Variants in GSDMC observed in about 807,000 individuals in gnomAD.
GSDMC encodes the protein gasdermin-C.
GSDMC carries 59 observed loss-of-function variants against 58.0 expected under a neutral mutation model. The observed-to-expected ratio is 1.02, with a 90% confidence interval of 0.82 to 1.26. The LOEUF (loss-of-function observed/expected upper bound fraction) is 1.26. Ranked by LOEUF, GSDMC falls within the 50% of genes most tolerant of loss-of-function variation. The pLI is 0.00. For synonymous variants in GSDMC, 241 were observed against 220.2 expected, an observed-to-expected ratio of 1.09 and a Z score of -0.83; for missense variants, 659 against 598.5, an observed-to-expected ratio of 1.10 and a Z score of -1.06.
the GSDMC span, chr8:129,705,484 G>A: frequency 6.6e-6 from 1 of 152,554 alleles, no homozygotes; most frequent in African/African-American, 2.4e-5. Context: ...AGCATGGCTG[G>A]GGAGGCCTCA....
At chr8:129,760,625 G>A (rs750808145) in intron 5 of GSDMC, 36 bp from the exon 6 acceptor site, 1 of 1,431,386 alleles carries the variant, frequency 7.0e-7, no homozygotes, top group Non-Finnish European at 9.8e-7. Context: ...TAGGAGAGTT[G>A]AGGTTATTCC....
chr8:129,717,059 G>T, the GSDMC span, among the ~76,000 whole-genome samples: 4 of 152,124 alleles, frequency 2.6e-5, no homozygotes, highest in African/African-American at 7.2e-5. Context: ...GTTCTTCAGG[G>T]ATATTGGCCT....
rs1444716047 is a variant in GSDMC at position 129,750,088 on chromosome 8, C to T, written c.1115G>A (p.Gly372Asp). ...LELDSSGHLD[G>D]PGGAILKKLQ... is the part of the protein sequence containing the mutation. Reference sequence around the variant, plus strand: ...TTTCTTTAGGATGGCACCACCAGGGCCATCCAAATGACCTGAGCTGTCCAA... The same window carrying T: ...TTTCTTTAGGATGGCACCACCAGGGTCATCCAAATGACCTGAGCTGTCCAA... Residue 372 changes from glycine to aspartate, a missense_variant, in exon 12 of 14, where the codon GGC becomes GAC. Transcript: ENST00000276708. 2 of 1,598,484 alleles carry T rather than the reference C, an allele frequency of 1.3e-6. No homozygotes were observed. The highest frequency in any genetic ancestry group is 1.7e-6 in the Non-Finnish European group (2 of 1,174,158).
At chr8:129,745,067 T>A (rs77724525), downstream of GSDMC, among the ~76,000 whole-genome samples, 285 of 152,298 alleles carry the variant, frequency 1.9e-3, 6 homozygotes, top group East Asian at 0.051. Flanking sequence ...TCCCACTCCC[T>A]CTTAAATCAA....
intron 6 of GSDMC, among the ~76,000 whole-genome samples, chr8:129,759,935 A>G (rs1406511350): frequency 6.6e-6 from 1 of 152,208 alleles, no homozygotes; most frequent in Non-Finnish European, 1.5e-5. Flanking sequence ...ACTGTTCACA[A>G]TAGTCAAGAT....
At chr8:129,744,885 G>A (rs1193943811), downstream of GSDMC, among the ~76,000 whole-genome samples, 1 of 152,174 alleles carries the variant, frequency 6.6e-6, no homozygotes, top group South Asian at 2.1e-4. Flanking sequence ...GGTAGCAGTG[G>A]AAAATGGATA....
chr8:129,724,002 G>A, the GSDMC span, among the ~76,000 whole-genome samples: 2 of 152,208 alleles, frequency 1.3e-5, no homozygotes, highest in Non-Finnish European at 2.9e-5. Context: ...ACAAAAGCTT[G>A]CTTTTGCATC....
intron 5 of GSDMC, among the ~76,000 whole-genome samples, chr8:129,761,626 CTA>C (rs1250763048): frequency 3.9e-5 from 6 of 152,172 alleles, no homozygotes; most frequent in African/African-American, 1.4e-4. Flanking sequence ...TCTTTTCCTT[CTA>C]TGTTAAAATC....
At chr8:129,758,093 T>A (rs916684095) in intron 6 of GSDMC, among the ~76,000 whole-genome samples, 5 of 152,198 alleles carry the variant, frequency 3.3e-5, no homozygotes, top group African/African-American at 1.2e-4. Flanking sequence ...ATACATTATA[T>A]CAACAGAATG....
chr8:129,784,249 C>T (rs2034494584), intron 1 of GSDMC, among the ~76,000 whole-genome samples: 1 of 152,000 alleles, frequency 6.6e-6, no homozygotes, highest in South Asian at 2.1e-4. Context: ...AATTGGATCT[C>T]ATCAAGTTAC....
the GSDMC span, among the ~76,000 whole-genome samples, chr8:129,738,484 G>A: frequency 6.6e-6 from 1 of 152,202 alleles, no homozygotes; most frequent in Non-Finnish European, 1.5e-5. Context: ...CATAAAAAAG[G>A]TTGAGTTCAT....
the GSDMC span, among the ~76,000 whole-genome samples, chr8:129,709,245 C>T: frequency 2.0e-5 from 3 of 151,836 alleles, no homozygotes; most frequent in Non-Finnish European, 4.4e-5. Flanking sequence ...CTGAATGCTA[C>T]TGTGAAAAAG....
chr8:129,782,366 G>T (rs1367678359), intron 1 of GSDMC, among the ~76,000 whole-genome samples: 2 of 152,022 alleles, frequency 1.3e-5, no homozygotes, highest in Non-Finnish European at 2.9e-5. Context: ...ATAATGATCA[G>T]AGCAGAAATA....
intron 6 of GSDMC, among the ~76,000 whole-genome samples, chr8:129,754,462 C>A (rs1039081091): frequency 6.6e-6 from 1 of 152,158 alleles, no homozygotes; most frequent in African/African-American, 2.4e-5. Context: ...AACCAAGTCC[C>A]TTTGAATACC....
the GSDMC span, among the ~76,000 whole-genome samples, chr8:129,722,023 G>A: frequency 1.3e-5 from 2 of 152,192 alleles, no homozygotes; most frequent in African/African-American, 2.4e-5. Context: ...AGAAAGGACA[G>A]CTAGTTGGCC....
In GSDMC at chr8:129,777,396, G is replaced by A. The variant is rs2034268813; in HGVS notation, c.192C>T (p.Asp64=). 2 of 1,612,504 alleles carry A rather than the reference G, an allele frequency of 1.2e-6. No individual in the cohort carries two copies. Among genetic ancestry groups the A allele is most frequent in the Admixed American group, 3.3e-5 (2 of 59,998 alleles). Residue 64 remains aspartate (D), a synonymous_variant, in exon 2 of 14, where the codon GAC becomes GAT. Coordinates refer to ENST00000276708, the MANE Select transcript of GSDMC (RefSeq NM_031415.3). The part of the protein sequence containing the change: ...DYVPVEFSLN[D]ILEPSSSVLE... ...GGACTGAAGAACTTGGCTCCAGGAT[G>A]TCATTGAGGGAGAATTCAACTGGAA...
At chr8:129,752,617 A>T in intron 7 of GSDMC, 81 bp downstream of exon 7, 1 of 1,557,054 alleles carries the variant, frequency 6.4e-7, no homozygotes, top group Non-Finnish European at 8.7e-7. Flanking sequence ...TACACCCCAC[A>T]TAAACACCAA....
chr8:129,708,228 G>T, the GSDMC span, among the ~76,000 whole-genome samples: 1 of 152,220 alleles, frequency 6.6e-6, no homozygotes, highest in Non-Finnish European at 1.5e-5. Flanking sequence ...GCTCTGCTTA[G>T]AGGGGCCCCA....
intron 6 of GSDMC, 136 bp from the exon 7 acceptor site, chr8:129,752,956 T>G: frequency 1.4e-6 from 2 of 1,421,326 alleles, no homozygotes; most frequent in Non-Finnish European, 1.9e-6. Flanking sequence ...CAAGACCCAC[T>G]CAAAGAGGAA....
Sources: allele counts gnomAD v4.1 joint callset (sites outside exome capture counted in the v4.1 genomes callset), GRCh38; gene constraint gnomAD v4.1.1; transcripts MANE v1.5; gene names NCBI Gene and HGNC (gene_info 2026-07-23, HGNC 2026-07-21).